The following PDE8A variants were observed in gnomAD, a reference collection of about 807,000 sequenced individuals.
The protein encoded by PDE8A is high affinity cAMP-specific and IBMX-insensitive 3',5'-cyclic phosphodiesterase 8A.
A neutral mutation model predicts 105.0 loss-of-function variants in PDE8A; 59 were observed. The observed-to-expected ratio is 0.56, with a 90% CI of 0.46 to 0.70. The LOEUF (loss-of-function observed/expected upper bound fraction) is 0.70, where lower values mean the gene tolerates loss of function less well. PDE8A is among the 30% of genes least tolerant of loss of function. PDE8A has a pLI of 0.00. For synonymous variants in PDE8A, 355 were observed against 371.9 expected, an observed-to-expected ratio of 0.95 and a Z score of 0.52; for missense variants, 1,014 against 1,045.9, an observed-to-expected ratio of 0.97 and a Z score of 0.42.
At chr15:85,101,331 G>T (rs1479401313) in intron 11 of PDE8A, among the ~76,000 whole-genome samples, 4 of 152,196 alleles carry the variant, frequency 2.6e-5, no homozygotes, top group African/African-American at 9.7e-5. Context: ...ATGAGAAAGG[G>T]CAGTGGGTAG....
At chr15:85,059,260 A>G (rs944627863) in intron 1 of PDE8A, among the ~76,000 whole-genome samples, 1 of 152,140 alleles carries the variant, frequency 6.6e-6, no homozygotes, top group African/African-American at 2.4e-5. Flanking sequence ...TTTAAAATCT[A>G]TTGAGTTTTG....
At chr15:84,986,543 T>C (rs1271359684) in intron 1 of PDE8A, among the ~76,000 whole-genome samples, 1 of 152,178 alleles carries the variant, frequency 6.6e-6, no homozygotes, top group Non-Finnish European at 1.5e-5. Flanking sequence ...TTTCCAAATG[T>C]TACTTAAGTA....
intron 1 of PDE8A, among the ~76,000 whole-genome samples, chr15:85,036,788 A>G (rs967515779): frequency 2.0e-5 from 3 of 152,138 alleles, no homozygotes; most frequent in Non-Finnish European, 4.4e-5. Flanking sequence ...AGACATCACA[A>G]AAATGCTTTT....
chr15:85,126,703 T>C (rs962708702), intron 20 of PDE8A, among the ~76,000 whole-genome samples: 6 of 152,028 alleles, frequency 3.9e-5, no homozygotes, highest in Non-Finnish European at 8.8e-5. Context: ...TTAGGAAATA[T>C]ACTGGCTAAG....
intron 1 of PDE8A, among the ~76,000 whole-genome samples, chr15:84,992,003 T>A (rs2142154345): frequency 6.6e-6 from 1 of 152,316 alleles, no homozygotes; most frequent in East Asian, 1.9e-4. Flanking sequence ...AAAAGATTAA[T>A]AGCTAAACAA....
chr15:85,060,699 A>G (rs1820758924), intron 1 of PDE8A, among the ~76,000 whole-genome samples: 1 of 152,240 alleles, frequency 6.6e-6, no homozygotes, highest in Admixed American at 6.5e-5. Flanking sequence ...TATTTAGGAA[A>G]TAAAATGCAA....
intron 2 of PDE8A, among the ~76,000 whole-genome samples, chr15:85,066,282 C>G (rs2081223314): frequency 6.6e-6 from 1 of 152,024 alleles, no homozygotes; most frequent in Non-Finnish European, 1.5e-5. Context: ...GGCATATGGC[C>G]AGGTGCAGTG....
At chr15:84,990,566 T>A (rs1452602768) in intron 1 of PDE8A, among the ~76,000 whole-genome samples, 3 of 152,246 alleles carry the variant, frequency 2.0e-5, no homozygotes, top group Admixed American at 6.5e-5. Context: ...AGTAGTTTGT[T>A]CTTTTTTCTA....
chr15:85,116,135 G>A lies in PDE8A; in HGVS notation c.1535+16G>A. ...CCCACAATAGGTGAGTTCATGCAGA[G>A]CTCAGCAGCGGGAGAACTAGATTCC... is the stretch of plus-strand genomic sequence containing the variant. On this transcript the variant is annotated intron_variant, in intron 16 of 21. Coordinates refer to ENST00000394553, the MANE Select transcript of PDE8A (RefSeq NM_002605.3). 4.3e-6 allele frequency: 7 copies of A among 1,613,202 alleles called. No homozygotes were observed. Among genetic ancestry groups the A allele is most frequent in the Non-Finnish European group, 5.9e-6 (7 of 1,179,248 alleles).
At chr15:85,046,119 G>A (rs2141407558) in intron 1 of PDE8A, among the ~76,000 whole-genome samples, 1 of 143,216 alleles carries the variant, frequency 7.0e-6, no homozygotes, top group African/African-American at 2.6e-5. Context: ...CCAGGCTGGA[G>A]TACAGTGGCT....
At chr15:85,037,037 G>C (rs957137820) in intron 1 of PDE8A, among the ~76,000 whole-genome samples, 13 of 151,788 alleles carry the variant, frequency 8.6e-5, no homozygotes, top group African/African-American at 3.2e-4. Context: ...TCAAATGAAG[G>C]TTGCAGTGCT....
chr15:85,030,743 G>A lies in PDE8A; in HGVS notation c.187-33627G>A, dbSNP rs184936105. ...TATTTTCTCTTTCTAGAATGTTCAT[G>A]TCCCTCTTCTTATCTGGCAGAGCCC... On this transcript the variant is annotated intron_variant, in intron 1 of 21. Transcript: ENST00000394553. 7.2e-5 allele frequency among the ~76,000 whole-genome samples: 11 copies of A among 152,206 alleles called. No homozygotes were observed. In the East Asian group the frequency reaches 1.7e-3, roughly 24 times the overall value.
Position 85,064,196 on chromosome 15 carries a change from G to A in PDE8A, c.187-174G>A, listed in dbSNP as rs969178283. On this transcript the variant is annotated intron_variant, in intron 1 of 21. Coordinates refer to ENST00000394553, the MANE Select transcript of PDE8A (RefSeq NM_002605.3). ...TTCCTGCTCCCCACTTTTCCTGGGG[G>A]CTATAAGGAGATCCTTAGGATTCCT... is the stretch of plus-strand genomic sequence containing the variant. 1.3e-5 allele frequency: 7 copies of A among 520,368 alleles called. No individual in the cohort carries two copies. In the South Asian group the frequency reaches 1.9e-4, roughly 14 times the overall value. The allele number at this position is 520,368 out of a possible 1,614,324, so 32.2% of individuals were successfully genotyped here.
At chr15:85,079,683 C>T (rs2081434451) in intron 5 of PDE8A, among the ~76,000 whole-genome samples, 1 of 152,200 alleles carries the variant, frequency 6.6e-6, no homozygotes, top group South Asian at 2.1e-4. Context: ...GAGGCTGAGG[C>T]AGGTGGATCA....
intron 1 of PDE8A, among the ~76,000 whole-genome samples, chr15:85,007,057 G>A (rs1415372634): frequency 2.0e-5 from 3 of 152,168 alleles, no homozygotes; most frequent in Admixed American, 2.0e-4. Context: ...ATGGGTGAAA[G>A]ATAGACAGTT....
chr15:85,117,890 GTC>G, intron 17 of PDE8A, 51 bp downstream of exon 17: 7 of 1,397,938 alleles, frequency 5.0e-6, no homozygotes, highest in Non-Finnish European at 7.1e-6. Context: ...AGTGGGGAGA[GTC>G]TAGTGCTTCT....
At chr15:85,132,387 T>C (rs2082341772) in intron 20 of PDE8A, among the ~76,000 whole-genome samples, 1 of 152,224 alleles carries the variant, frequency 6.6e-6, no homozygotes. Flanking sequence ...TTCACTTTTC[T>C]TCATTCTTTT....
intron 1 of PDE8A, among the ~76,000 whole-genome samples, chr15:85,007,201 A>G (rs1407872039): frequency 6.6e-6 from 1 of 152,064 alleles, no homozygotes; most frequent in Non-Finnish European, 1.5e-5. Context: ...AGAACAGATG[A>G]TATAGGGCCA....
intron 1 of PDE8A, among the ~76,000 whole-genome samples, chr15:85,051,763 A>T (rs1286250054): frequency 6.6e-6 from 1 of 152,052 alleles, no homozygotes; most frequent in Non-Finnish European, 1.5e-5. Context: ...TTCCAGCTCC[A>T]TCCGTGTTTG....
Sources: gnomAD v4.1 joint callset for allele counts (sites outside exome capture counted in the v4.1 genomes callset) on GRCh38, gnomAD v4.1.1 for gene constraint, MANE v1.5 for transcripts, NCBI Gene and HGNC (gene_info 2026-07-23, HGNC 2026-07-21) for gene names.